DENND2A: variants seen among roughly 807,000 people sequenced by gnomAD.
The protein encoded by DENND2A is DENN domain-containing protein 2A.
DENND2A carries 53 observed loss-of-function variants against 105.3 expected under a neutral mutation model. That is an observed-to-expected ratio of 0.50 (90% CI 0.40 to 0.63). The LOEUF (loss-of-function observed/expected upper bound fraction) is 0.63, where lower values mean the gene tolerates loss of function less well. Among genes scored for constraint, DENND2A ranks in the 30% least tolerant of loss-of-function variants. The pLI is 0.00. For missense variants in DENND2A, 1,138 were observed against 1,279.6 expected, an observed-to-expected ratio of 0.89 and a Z score of 1.69; for synonymous variants, 522 against 508.4, an observed-to-expected ratio of 1.03 and a Z score of -0.36.
chr7:140,577,628 C>G (rs1798359790), intron 5 of DENND2A, among the ~76,000 whole-genome samples: 1 of 152,056 alleles, frequency 6.6e-6, no homozygotes, highest in Admixed American at 6.6e-5. Context: ...AAACTCCTGA[C>G]CTTAGGTGAT....
chr7:140,594,493 T>A (rs562690997), intron 3 of DENND2A, among the ~76,000 whole-genome samples: 5 of 152,288 alleles, frequency 3.3e-5, no homozygotes, highest in Admixed American at 1.3e-4. Context: ...TGATCCCATC[T>A]GTTTCCCTGA....
At chr7:140,591,663 CT>C in intron 3 of DENND2A, among the ~76,000 whole-genome samples, 2 of 148,562 alleles carry the variant, frequency 1.3e-5, no homozygotes, top group African/African-American at 5.2e-5. Context: ...TCCTTTCTTT[CT>C]TTCTTTCTCT....
intron 14 of DENND2A, among the ~76,000 whole-genome samples, chr7:140,530,579 AC>A (rs1796223321): frequency 6.6e-6 from 1 of 151,858 alleles, no homozygotes; most frequent in Non-Finnish European, 1.5e-5. Flanking sequence ...TTATCCCTAC[AC>A]TGTCTTCTTT....
chr7:140,551,028 C>T (rs1797113123), intron 12 of DENND2A, among the ~76,000 whole-genome samples: 1 of 151,702 alleles, frequency 6.6e-6, no homozygotes, highest in Non-Finnish European at 1.5e-5. Context: ...TGGCCGGGCA[C>T]AGTGGCTCAT....
At chr7:140,582,484 G>A (rs1465609911) in intron 5 of DENND2A, among the ~76,000 whole-genome samples, 1 of 152,234 alleles carries the variant, frequency 6.6e-6, no homozygotes, top group Non-Finnish European at 1.5e-5. Flanking sequence ...GGCAAGCAGA[G>A]AGCATTTGCT....
At chr7:140,595,496 T>A (rs565440342) in intron 3 of DENND2A, among the ~76,000 whole-genome samples, 2 of 152,094 alleles carry the variant, frequency 1.3e-5, no homozygotes, top group African/African-American at 4.8e-5. Flanking sequence ...AGGCCAGGTG[T>A]GGTGGCTCAC....
chr7:140,550,965 G>A (rs1298612290), intron 12 of DENND2A, among the ~76,000 whole-genome samples: 4 of 151,754 alleles, frequency 2.6e-5, no homozygotes, highest in African/African-American at 9.7e-5. Flanking sequence ...GACAGTTAGG[G>A]AAAACACACC....
intron 5 of DENND2A, among the ~76,000 whole-genome samples, chr7:140,578,619 G>T (rs892287464): frequency 6.6e-6 from 1 of 152,200 alleles, no homozygotes; most frequent in African/African-American, 2.4e-5. Flanking sequence ...AGTGGCTCAC[G>T]CCTGTAATCC....
At chr7:140,521,772 G>C in intron 18 of DENND2A, 83 bp downstream of exon 18, 2 of 1,573,574 alleles carry the variant, frequency 1.3e-6, no homozygotes, top group Non-Finnish European at 1.7e-6. Flanking sequence ...CCCCTGCCCT[G>C]TGATCTTTCT....
At chr7:140,569,623 G>A (rs1359242096) in intron 7 of DENND2A, 22 bp downstream of exon 7, 2 of 1,509,438 alleles carry the variant, frequency 1.3e-6, no homozygotes, top group Non-Finnish European at 1.8e-6. Flanking sequence ...TGCGGGAGGA[G>A]GGCTGGTGGT....
chr7:140,532,271 A>G (rs1236689027), intron 14 of DENND2A, among the ~76,000 whole-genome samples: 1 of 152,208 alleles, frequency 6.6e-6, no homozygotes, highest in African/African-American at 2.4e-5. Flanking sequence ...TCCGTCTCAA[A>G]AAAATAAAAG....
rs772464064 is a variant in DENND2A, at chr7:140,567,250, C to T, written c.1615G>A (p.Val539Met). The T allele has an allele frequency of 3.1e-5, 50 of 1,608,330 alleles. No individual in the cohort carries two copies. The highest frequency in any genetic ancestry group is 2.5e-4 in the Admixed American group (15 of 59,550). ...GGCGCCTGCTTCAGCCGGGACTTCA[C>T]GTTGACCAGGCGCTGGCTGTGAGCT... ...LKAHSQRLVN[V>M]KSRLKQAPRY... Residue 539 changes from valine (V) to methionine (M), a missense_variant, in exon 9 of 20, where the codon GTG becomes ATG. Val to Met is a conservative substitution (Grantham distance 21). Transcript: ENST00000496613.
In DENND2A at chr7:140,518,570, A is replaced by G. The variant is rs1054915677; in HGVS notation, c.*137T>C. ...CAGGTCCTCATCCAGGGAAGAGCCCAGCCTCGGCCAGAAGCCACCGCGGCC... is the reference window on the plus strand; with the variant it reads ...CAGGTCCTCATCCAGGGAAGAGCCCGGCCTCGGCCAGAAGCCACCGCGGCC... On this transcript the variant is annotated 3_prime_UTR_variant, in exon 20 of 20. Coordinates refer to ENST00000496613, the MANE Select transcript of DENND2A (RefSeq NM_015689.5). The G allele has an allele frequency of 4.7e-6, 4 of 845,750 alleles. No homozygotes were observed. Among genetic ancestry groups the G allele is most frequent in the Non-Finnish European group, 7.3e-6 (4 of 548,124 alleles). 52.4% of individuals were successfully genotyped at this position (845,750 alleles called of 1,614,324 possible).
chr7:140,629,449 T>C (rs1800656133), intron 1 of DENND2A, among the ~76,000 whole-genome samples: 1 of 151,914 alleles, frequency 6.6e-6, no homozygotes. Flanking sequence ...CTGCCCAGCA[T>C]GAAGACCGCC....
chr7:140,529,723 C>T (rs1455727412), intron 14 of DENND2A, among the ~76,000 whole-genome samples: 2 of 150,738 alleles, frequency 1.3e-5, no homozygotes, highest in Admixed American at 1.3e-4. Context: ...TGTTCTCACT[C>T]ATAGGTGGGA....
chr7:140,566,969 T>G, intron 9 of DENND2A, 117 bp downstream of exon 9: 1 of 973,560 alleles, frequency 1.0e-6, no homozygotes, highest in Non-Finnish European at 1.5e-6. Flanking sequence ...AGGACCCATT[T>G]TCAAGATTCT....
rs780318641 is a variant in DENND2A, at chr7:140,546,911, C to T, written c.2066G>A (p.Gly689Asp). 3.7e-6 allele frequency: 6 copies of T among 1,613,548 alleles called. No homozygotes were observed. In the East Asian group the frequency reaches 6.7e-5, roughly 18 times the overall value. ...RILDEVEKRR[G>D]ISPALVQPLM... ...TGGCTGAACCAGGGCAGGAGAGATG[C>T]CTCGTCTTTTTTCCACCTCATCCAA... is the stretch of plus-strand genomic sequence containing the variant. The change falls in exon 13 of 20, where the codon GGC becomes GAC. Residue 689 changes from glycine to aspartate, a missense_variant. Gly to Asp is a moderately conservative substitution (Grantham distance 94, BLOSUM62 -1). Coordinates refer to ENST00000496613, the MANE Select transcript of DENND2A (RefSeq NM_015689.5).
At chr7:140,530,442 C>G (rs971273744) in intron 14 of DENND2A, among the ~76,000 whole-genome samples, 2 of 152,148 alleles carry the variant, frequency 1.3e-5, no homozygotes, top group African/African-American at 4.8e-5. Context: ...TAATCGTTCT[C>G]CTGATACTCA....
chr7:140,624,593 C>T (rs1026766454), intron 1 of DENND2A, among the ~76,000 whole-genome samples: 1 of 152,158 alleles, frequency 6.6e-6, no homozygotes, highest in Admixed American at 6.5e-5. Context: ...CATTCACCTC[C>T]TCACCCTCCT....
Sources: allele counts gnomAD v4.1 joint callset (sites outside exome capture counted in the v4.1 genomes callset), GRCh38; gene constraint gnomAD v4.1.1; transcripts MANE v1.5; gene names NCBI Gene and HGNC (gene_info 2026-07-23, HGNC 2026-07-21).